ITGA1: variants seen among roughly 807,000 people sequenced by gnomAD.
ITGA1 encodes the protein integrin subunit alpha 1, also known as integrin alpha-1.
A neutral mutation model predicts 145.9 loss-of-function variants in ITGA1; 85 were observed. The ratio of observed to expected loss-of-function variants is 0.58; its 90% CI spans 0.49 to 0.70. The LOEUF (loss-of-function observed/expected upper bound fraction) is 0.70. ITGA1 is among the 30% of genes least tolerant of loss of function. The pLI is 0.00. For synonymous variants in ITGA1, 520 were observed against 495.3 expected, an observed-to-expected ratio of 1.05 and a Z score of -0.66; for missense variants, 1,351 against 1,418.7, an observed-to-expected ratio of 0.95 and a Z score of 0.77.
intron 6 of ITGA1, among the ~76,000 whole-genome samples, chr5:52,879,481 C>T (rs113200696): frequency 1.3e-5 from 2 of 152,216 alleles, no homozygotes; most frequent in African/African-American, 4.8e-5. Flanking sequence ...TTTATATACC[C>T]AAAGACATGT....
chr5:52,945,006 GT>G lies in ITGA1; in HGVS notation c.3353del (p.Leu1118Ter), dbSNP rs1751113401. ...GELRSENASL[V>X]LSSSNQKREL... ...ACTTCGGAGTGAAAATGCATCTCTG[GT>G]TTTAAGTAGCAGCAATCAAAAAAGA... On this transcript the variant is annotated frameshift_variant, in exon 27 of 29. Coordinates refer to ENST00000282588, the MANE Select transcript of ITGA1 (RefSeq NM_181501.2). LOFTEE classifies it high-confidence loss of function. 3 of 1,613,154 alleles carry G rather than the reference GT, an allele frequency of 1.9e-6. No individual in the cohort carries two copies. The highest frequency in any genetic ancestry group is 2.5e-6 in the Non-Finnish European group (3 of 1,179,588).
chr5:52,801,094 C>T lies in ITGA1; in HGVS notation c.61+12680C>T, dbSNP rs112612194. The T allele has an allele frequency of 8.7e-3, 13,934 of 1,606,082 alleles. 86 individuals carry two copies. The highest frequency in any genetic ancestry group is 0.013 in the Middle Eastern group (78 of 6,000). On this transcript the variant is annotated intron_variant, in intron 1 of 28. Transcript: ENST00000282588. ...AGTGAAGACCGACAACAAACTGCTCCTGGAAAACCGGTCCAAATTTCTTCA... is the reference window on the plus strand; with the variant it reads ...AGTGAAGACCGACAACAAACTGCTCTTGGAAAACCGGTCCAAATTTCTTCA...
intron 1 of ITGA1, chr5:52,804,195 A>T (rs1224587202): frequency 6.6e-6 from 1 of 152,176 alleles, no homozygotes; most frequent in East Asian, 1.9e-4. Flanking sequence ...TCTAATTCCA[A>T]CTGCTACTCA....
At chr5:52,942,563 C>T (rs1415254616) in intron 26 of ITGA1, among the ~76,000 whole-genome samples, 2 of 147,616 alleles carry the variant, frequency 1.4e-5, no homozygotes, top group Non-Finnish European at 3.0e-5. Flanking sequence ...CGGAGTCTCG[C>T]TCTGTCGCCC....
chr5:52,880,759 C>T (rs922706113), intron 6 of ITGA1, among the ~76,000 whole-genome samples: 5 of 152,168 alleles, frequency 3.3e-5, no homozygotes, highest in African/African-American at 1.2e-4. Flanking sequence ...ACCTGGAATT[C>T]CTGAATTAAA....
At chr5:52,942,015 C>T (rs1751060910) in intron 26 of ITGA1, among the ~76,000 whole-genome samples, 1 of 152,126 alleles carries the variant, frequency 6.6e-6, no homozygotes, top group Non-Finnish European at 1.5e-5. Flanking sequence ...TATCCCAACA[C>T]CATTTTTTGA....
intron 1 of ITGA1, among the ~76,000 whole-genome samples, chr5:52,804,201 A>T (rs1283625461): frequency 1.3e-5 from 2 of 152,174 alleles, no homozygotes; most frequent in Non-Finnish European, 2.9e-5. Flanking sequence ...TCCAACTGCT[A>T]CTCATTAAGT....
intron 1 of ITGA1, among the ~76,000 whole-genome samples, chr5:52,834,248 G>A (rs1749120531): frequency 6.6e-6 from 1 of 152,180 alleles, no homozygotes; most frequent in Non-Finnish European, 1.5e-5. Flanking sequence ...TGCCATAGCA[G>A]AATACCATAG....
intron 18 of ITGA1, 35 bp downstream of exon 18, chr5:52,922,922 C>A: frequency 8.1e-7 from 1 of 1,229,672 alleles, no homozygotes; most frequent in Non-Finnish European, 1.2e-6. Context: ...AAAATACCAA[C>A]TTGTGAACAT....
At chr5:52,952,182 G>C (rs796206361) in intron 28 of ITGA1, among the ~76,000 whole-genome samples, 6 of 88,648 alleles carry the variant, frequency 6.8e-5, no homozygotes, top group South Asian at 3.5e-4. Flanking sequence ...GAGTGAGACT[G>C]TCTCAAAAAA....
intron 1 of ITGA1, among the ~76,000 whole-genome samples, chr5:52,805,192 G>A (rs966160820): frequency 2.3e-4 from 35 of 152,126 alleles, no homozygotes; most frequent in Non-Finnish European, 2.8e-4. Context: ...AAGATGGGGA[G>A]GGGAAGTGTG....
intron 2 of ITGA1, 52 bp downstream of exon 2, chr5:52,849,537 G>A (rs1749395903): frequency 7.1e-7 from 1 of 1,417,862 alleles, no homozygotes; most frequent in Admixed American, 2.0e-5. Flanking sequence ...AAGGTAATGA[G>A]AAATATTATT....
chr5:52,939,781 A>T (rs367799922), intron 25 of ITGA1, 59 bp from the exon 26 acceptor site: 1 of 1,438,606 alleles, frequency 7.0e-7, no homozygotes, highest in East Asian at 2.3e-5. Flanking sequence ...AAGAATTTAA[A>T]TATAGATATT....
chr5:52,887,749 G>GT lies in ITGA1; in HGVS notation c.774-60dup, dbSNP rs1228331671. ...CTAGAGTAGTCAGTGTTTTTGTTTA[G>GT]TTTTTTACTTTGTCTATTGTAAAGT... On this transcript the variant is annotated intron_variant, in intron 7 of 28. Transcript: ENST00000282588. 4.5e-5 allele frequency: 67 copies of GT among 1,481,054 alleles called. 1 individual carries two copies. In the Middle Eastern group the frequency reaches 3.3e-3, roughly 73 times the overall value. The allele number at this position is 1,481,054 out of a possible 1,614,324, so 91.7% of individuals were successfully genotyped here.
At chr5:52,919,287 C>T (rs546272313) in intron 16 of ITGA1, among the ~76,000 whole-genome samples, 9 of 152,172 alleles carry the variant, frequency 5.9e-5, no homozygotes, top group Non-Finnish European at 1.3e-4. Context: ...CCTTCTCTTG[C>T]CCCCTCTTGG....
rs367961574 is a variant in ITGA1 at position 52,849,473 on chromosome 5, A to T, written c.170A>T (p.Glu57Val). The T allele has an allele frequency of 1.6e-5, 25 of 1,602,070 alleles. No individual in the cohort carries two copies. The African/African-American group carries it at 3.3e-4, about 21-fold the overall frequency. ...FGYTVQQYEN[E>V]EGKWVLIGSP... The stretch of plus-strand genomic sequence containing the variant: ...TATACTGTTCAACAATATGAAAATG[A>T]AGAAGGAAAATGGTAAGCCAGTGGG... The change falls in exon 2 of 29, where the codon GAA (glutamate) becomes GTA (valine). Residue 57 changes from glutamate (E) to valine (V), a missense_variant. Glu to Val is a moderately radical substitution (Grantham distance 121). Coordinates refer to ENST00000282588, the MANE Select transcript of ITGA1 (RefSeq NM_181501.2).
At position 52,803,810 on chromosome 5, in the gene ITGA1, C is replaced by T. The variant is rs376223236; in HGVS notation, c.61+15396C>T. 17 of 152,234 alleles carry T rather than the reference C, an allele frequency of 1.1e-4. No homozygotes were observed. The East Asian group carries it at 2.1e-3, about 19-fold the overall frequency. 9.4% of individuals were successfully genotyped at this position (152,234 alleles called of 1,614,324 possible). A position where few individuals can be genotyped will look rare whatever the true frequency, so the allele number is the denominator to read the frequency against. ...CTACTGAGACAGGCGCTACCTGTAC[C>T]AACATCTCTAGATGATTCCTGTGCA... is the stretch of plus-strand genomic sequence containing the variant. On this transcript the variant is annotated intron_variant, in intron 1 of 28. Transcript: ENST00000282588.
intron 6 of ITGA1, among the ~76,000 whole-genome samples, chr5:52,874,686 G>A (rs1749838147): frequency 6.6e-6 from 1 of 152,056 alleles, no homozygotes; most frequent in Admixed American, 6.5e-5. Flanking sequence ...TTTATAAAGT[G>A]TCTGGACGAT....
At chr5:52,883,577 A>T (rs1749999020) in intron 7 of ITGA1, among the ~76,000 whole-genome samples, 1 of 152,164 alleles carries the variant, frequency 6.6e-6, no homozygotes, top group Non-Finnish European at 1.5e-5. Context: ...CAATATTTTT[A>T]ATATTTTTAG....
Sources: allele counts gnomAD v4.1 joint callset (sites outside exome capture counted in the v4.1 genomes callset), GRCh38; gene constraint gnomAD v4.1.1; transcripts MANE v1.5; gene names NCBI Gene and HGNC (gene_info 2026-07-23, HGNC 2026-07-21).